Variants in CCDC27 observed in about 807,000 individuals in gnomAD.
CCDC27 encodes the protein coiled-coil domain-containing protein 27.
Under a neutral mutation model 80.3 loss-of-function variants are expected in CCDC27, and 80 were observed. The observed-to-expected ratio is 1.00, with a 90% CI of 0.83 to 1.20. The LOEUF (loss-of-function observed/expected upper bound fraction) is 1.20. Among genes scored for constraint, CCDC27 ranks in the 50% most tolerant of loss-of-function variants. The pLI is 0.00. For synonymous variants in CCDC27, 342 were observed against 334.3 expected, an observed-to-expected ratio of 1.02 and a Z score of -0.25; for missense variants, 815 against 809.4, an observed-to-expected ratio of 1.01 and a Z score of -0.08.
At chr1:3,759,376 T>C (rs992566270) in intron 4 of CCDC27, among the ~76,000 whole-genome samples, 1 of 152,228 alleles carries the variant, frequency 6.6e-6, no homozygotes, top group Non-Finnish European at 1.5e-5. Context: ...ACAAGGATAA[T>C]TACTAGCTTT....
rs1643279737 is a variant in CCDC27 at position 3,768,159 on chromosome 1, A to G, written c.1743+714A>G. On this transcript the variant is annotated intron_variant, in intron 10 of 11. Transcript: ENST00000294600. The surrounding 1 kb of genome is among the most constrained non-coding windows in gnomAD (Gnocchi z 5.6). ...ATCCAGTCTGGAGTGCAGTGGGGTG[A>G]TAACAGCTCACTGCAGCCTTGGCCT... Among the ~76,000 whole-genome samples, 1 of 141,884 alleles carries G rather than the reference A, an allele frequency of 7.0e-6. No homozygotes were observed. Among genetic ancestry groups the G allele is most frequent in the South Asian group, 2.2e-4 (1 of 4,452 alleles). 93.1% of individuals were successfully genotyped at this position (141,884 alleles called of 152,430 possible).
intron 1 of CCDC27, among the ~76,000 whole-genome samples, chr1:3,753,242 G>T (rs911598903): frequency 4.6e-5 from 7 of 152,132 alleles, no homozygotes; most frequent in African/African-American, 1.7e-4. Context: ...GCCCGAGATG[G>T]TCACCCCGGC....
intron 6 of CCDC27, 81 bp downstream of exon 6, chr1:3,762,793 G>C: frequency 7.8e-7 from 1 of 1,285,622 alleles, no homozygotes; most frequent in East Asian, 2.6e-5. Flanking sequence ...AAGAGGCCCA[G>C]GCCCCAAGTG....
At chr1:3,755,312 C>T (rs902663781) in intron 2 of CCDC27, 145 bp from the exon 3 acceptor site, 6 of 686,936 alleles carry the variant, frequency 8.7e-6, no homozygotes, top group Non-Finnish European at 1.6e-5. Context: ...CCCTTTGGTT[C>T]AGCCCTTGCT....
At position 3,763,001 on chromosome 1, in the gene CCDC27, G is replaced by A; in HGVS notation, c.955-107G>A. On this transcript the variant is annotated intron_variant, in intron 6 of 11. Coordinates refer to ENST00000294600, the MANE Select transcript of CCDC27 (RefSeq NM_152492.3). The surrounding 1 kb of genome is among the most constrained non-coding windows in gnomAD (Gnocchi z 7.5). The stretch of plus-strand genomic sequence containing the variant: ...CTCCCACTCCCTGGACCCTGCAGCA[G>A]CCTGGAAGGAGGCGCCCTCCCCGGT... 3.7e-6 allele frequency: 5 copies of A among 1,341,024 alleles called. No individual in the cohort carries two copies. Among genetic ancestry groups the A allele is most frequent in the Non-Finnish European group, 4.9e-6 (5 of 1,015,554 alleles). The allele number at this position is 1,341,024 out of a possible 1,614,324, so 83.1% of individuals were successfully genotyped here. A position where few individuals can be genotyped will look rare whatever the true frequency, so the allele number is the denominator to read the frequency against.
chr1:3,752,910 G>C, intron 1 of CCDC27, 111 bp downstream of exon 1: 2 of 1,232,540 alleles, frequency 1.6e-6, no homozygotes, highest in East Asian at 2.5e-5. Context: ...AGGCCTTCTG[G>C]TGATGGGTTA....
intron 8 of CCDC27, among the ~76,000 whole-genome samples, chr1:3,765,282 T>G (rs1022285345): frequency 1.4e-4 from 22 of 152,196 alleles, no homozygotes; most frequent in Admixed American, 3.9e-4. Flanking sequence ...AGATCCTATC[T>G]TTGTCCCAGG....
At chr1:3,767,138 C>T (rs1013806179) in intron 9 of CCDC27, 95 bp from the exon 10 acceptor site, 27 of 1,161,326 alleles carry the variant, frequency 2.3e-5, no homozygotes, top group Non-Finnish European at 3.1e-5. Flanking sequence ...TGCACCTGGC[C>T]GCCGGCCATC....
At position 3,761,121 on chromosome 1, in the gene CCDC27, C is replaced by T. The variant is rs2124593279; in HGVS notation, c.712-160C>T. On this transcript the variant is annotated intron_variant, in intron 4 of 11. Coordinates refer to ENST00000294600, the MANE Select transcript of CCDC27 (RefSeq NM_152492.3). The surrounding 1 kb of genome is among the most constrained non-coding windows in gnomAD (Gnocchi z 5.0). ...CATCTTGATCTCCAGATGTGTAGTGCTAGCTCTTTACCGCAGTACCTATCT... is the reference window on the plus strand; with the variant it reads ...CATCTTGATCTCCAGATGTGTAGTGTTAGCTCTTTACCGCAGTACCTATCT... Among the ~76,000 whole-genome samples, 1 of 152,342 alleles carries T rather than the reference C, an allele frequency of 6.6e-6. No homozygotes were observed. Among genetic ancestry groups the T allele is most frequent in the South Asian group, 2.1e-4 (1 of 4,824 alleles).
rs745936628 is a variant in CCDC27 at position 3,769,932 on chromosome 1, C to G, written c.1848+45C>G. 5 of 1,394,444 alleles carry G rather than the reference C, an allele frequency of 3.6e-6. No individual in the cohort carries two copies. Among genetic ancestry groups the G allele is most frequent in the Non-Finnish European group, 4.1e-6 (4 of 979,986 alleles). The allele number at this position is 1,394,444 out of a possible 1,614,324, so 86.4% of individuals were successfully genotyped here. On this transcript the variant is annotated intron_variant, in intron 11 of 11. Coordinates refer to ENST00000294600, the MANE Select transcript of CCDC27 (RefSeq NM_152492.3). This position sits in a 1 kb window ranked among gnomAD's most constrained non-coding sequence, Gnocchi z 4.6. ...TGCCTCTATCCGGGCCCCAGACCCCCAGGCCAGAGCTGTGGTAGGGGGTTG... is the reference window on the plus strand; with the variant it reads ...TGCCTCTATCCGGGCCCCAGACCCCGAGGCCAGAGCTGTGGTAGGGGGTTG...
Position 3,767,534 on chromosome 1 carries a change from C to A in CCDC27, c.1743+89C>A, listed in dbSNP as rs1292962808. Reference sequence around the variant, plus strand: ...TGCCCACCGCCCACCGAGGTAGAACCGGGGTCTGTGTACGCTGGGGCTCGG... The same window carrying A: ...TGCCCACCGCCCACCGAGGTAGAACAGGGGTCTGTGTACGCTGGGGCTCGG... On this transcript the variant is annotated intron_variant, in intron 10 of 11. Transcript: ENST00000294600. 5 of 1,220,720 alleles carry A rather than the reference C, an allele frequency of 4.1e-6. No individual in the cohort carries two copies. The East Asian group carries it at 1.0e-4, about 25-fold the overall frequency. 75.6% of individuals were successfully genotyped at this position (1,220,720 alleles called of 1,614,324 possible). A position where few individuals can be genotyped will look rare whatever the true frequency, so the allele number is the denominator to read the frequency against.
In CCDC27 at chr1:3,762,672, C is replaced by T. The variant is rs1643115752; in HGVS notation, c.914C>T (p.Ala305Val). ...CTGGGCAGGCTGAGCCTCCTGAAGGCCTTCTCCAGACATGAGGAGGAGCTG... is the reference window on the plus strand; with the variant it reads ...CTGGGCAGGCTGAGCCTCCTGAAGGTCTTCTCCAGACATGAGGAGGAGCTG... ...LKLGRLSLLK[A>V]FSRHEEELQH... Residue 305 changes from alanine (A) to valine (V), a missense_variant, in exon 6 of 12, where the codon GCC (alanine) becomes GTC (valine). Transcript: ENST00000294600. The T allele has an allele frequency of 6.5e-6, 10 of 1,549,938 alleles. No individual in the cohort carries two copies. The highest frequency in any genetic ancestry group is 8.7e-6 in the Non-Finnish European group (10 of 1,146,770).
chr1:3,758,437 C>T (rs991531807), intron 4 of CCDC27, among the ~76,000 whole-genome samples: 2 of 151,000 alleles, frequency 1.3e-5, no homozygotes, highest in East Asian at 2.0e-4. Flanking sequence ...CTACCCACCT[C>T]GGCCTCCCAA....
rs561861658 is a variant in CCDC27 at position 3,768,705 on chromosome 1, C to T, written c.1744-1078C>T. Reference sequence around the variant, plus strand: ...AGCTGAGCTGAGAAATATTGTGAAGCTAAGTCCGGGTGAGCAGGAACTAGC... The same window carrying T: ...AGCTGAGCTGAGAAATATTGTGAAGTTAAGTCCGGGTGAGCAGGAACTAGC... On this transcript the variant is annotated intron_variant, in intron 10 of 11. Transcript: ENST00000294600. The surrounding 1 kb of genome is among the most constrained non-coding windows in gnomAD (Gnocchi z 5.6). Among the ~76,000 whole-genome samples, 1 of 152,288 alleles carries T rather than the reference C, an allele frequency of 6.6e-6. No individual in the cohort carries two copies. The highest frequency in any genetic ancestry group is 2.4e-5 in the African/African-American group (1 of 41,562).
rs867461819 is a variant in CCDC27, at chr1:3,757,791, G to A, written c.711+901G>A. ...CAACAAATTAGCCAGGCGTGGTGGT[G>A]GGTGCCTGTAGTCCCAGCTACTTGG... is the stretch of plus-strand genomic sequence containing the variant. On this transcript the variant is annotated intron_variant, in intron 4 of 11. Transcript: ENST00000294600. 7.9e-5 allele frequency among the ~76,000 whole-genome samples: 12 copies of A among 152,068 alleles called. No individual in the cohort carries two copies. In the Middle Eastern group the frequency reaches 0.01, roughly 129 times the overall value.
rs1291036602 is a variant in CCDC27 at position 3,752,782 on chromosome 1, C to T, written c.301C>T (p.Arg101Cys). Residue 101 changes from arginine to cysteine, a missense_variant, in exon 1 of 12, where the codon CGC (arginine) becomes TGC (cysteine). Coordinates refer to ENST00000294600, the MANE Select transcript of CCDC27 (RefSeq NM_152492.3). ...TLSKSVQTIS[R>C]YYRKTSEPKD... is the part of the protein sequence containing the mutation. ...CAGCAAGTCGGTCCAGACCATCAGC[C>T]GCTACTACAGGAAGACGGTATGGGG... The T allele has an allele frequency of 6.8e-6, 11 of 1,612,472 alleles. No individual in the cohort carries two copies. Among genetic ancestry groups the T allele is most frequent in the African/African-American group, 5.3e-5 (4 of 74,924 alleles).
chr1:3,769,884 G>A lies in CCDC27; in HGVS notation c.1845G>A (p.Leu615=), dbSNP rs750090546. Residue 615 remains leucine, a synonymous_variant, in exon 11 of 12, where the codon CTG becomes CTA. Coordinates refer to ENST00000294600, the MANE Select transcript of CCDC27 (RefSeq NM_152492.3). This position sits in a 1 kb window ranked among gnomAD's most constrained non-coding sequence, Gnocchi z 4.6. ...CTGACAATGACATCCTGGAAGCCCT[G>A]CAGGTATACCCCTAAGCTCAGCTGC... ...EISDNDILEA[L]QRIISERSDY... 1.2e-6 allele frequency: 2 copies of A among 1,611,996 alleles called. No individual in the cohort carries two copies. Among genetic ancestry groups the A allele is most frequent in the South Asian group, 1.1e-5 (1 of 91,042 alleles).
At chr1:3,758,944 C>T (rs1437178953) in intron 4 of CCDC27, among the ~76,000 whole-genome samples, 43 of 152,060 alleles carry the variant, frequency 2.8e-4, no homozygotes, top group Non-Finnish European at 4.4e-5. Context: ...GGCACAGTGG[C>T]TCACCTCTGC....
At chr1:3,758,584 T>A (rs1643016635) in intron 4 of CCDC27, among the ~76,000 whole-genome samples, 1 of 152,144 alleles carries the variant, frequency 6.6e-6, no homozygotes, top group African/African-American at 2.4e-5. Context: ...GGCACTTTTA[T>A]TTTTTAATTT....
Sources: allele counts gnomAD v4.1 joint callset (sites outside exome capture counted in the v4.1 genomes callset), GRCh38; gene constraint gnomAD v4.1.1; non-coding constraint Gnocchi (gnomAD v3.1); transcripts MANE v1.5; gene names NCBI Gene and HGNC (gene_info 2026-07-23, HGNC 2026-07-21).